SPAG16: variants seen among roughly 807,000 people sequenced by gnomAD.
SPAG16 encodes the protein sperm-associated antigen 16 protein.
Under a neutral mutation model 80.4 loss-of-function variants are expected in SPAG16, and 86 were observed. The observed-to-expected ratio is 1.07, with a 90% CI of 0.90 to 1.28. The LOEUF (loss-of-function observed/expected upper bound fraction) is 1.28. SPAG16 is among the 50% of genes most tolerant of loss of function. The probability of loss-of-function intolerance (pLI) is 0.00; values close to 1 mark genes in which losing one functional copy is unlikely to be tolerated. For synonymous variants in SPAG16, 294 were observed against 265.9 expected (o/e 1.11, Z -1.03); for missense variants, 870 against 765.3 (o/e 1.14, Z -1.61).
At chr2:214,229,155 G>GAA (rs199770222) in intron 15 of SPAG16, among the ~76,000 whole-genome samples, 2,402 of 142,318 alleles carry the variant, frequency 0.017, 36 homozygotes, top group African/African-American at 0.038. Flanking sequence ...CGAGAAGCAG[G>GAA]AAAAAAAAAA....
intron 10 of SPAG16, among the ~76,000 whole-genome samples, chr2:213,777,590 G>A (rs1345086234): frequency 6.6e-6 from 1 of 152,094 alleles, no homozygotes; most frequent in African/African-American, 2.4e-5. Flanking sequence ...AGTATTTTTA[G>A]TAGAGACGGG....
chr2:213,423,918 T>C (rs1276351481), intron 9 of SPAG16, among the ~76,000 whole-genome samples: 1 of 152,216 alleles, frequency 6.6e-6, no homozygotes, highest in Non-Finnish European at 1.5e-5. Flanking sequence ...AAACTAGTAT[T>C]ATCAGAGATA....
At position 214,177,978 on chromosome 2, in the gene SPAG16, TATATATA is replaced by T. The variant is rs2057171045; in HGVS notation, c.1720+28713_1720+28719del. On this transcript the variant is annotated intron_variant, in intron 15 of 15. Coordinates refer to ENST00000331683, the MANE Select transcript of SPAG16 (RefSeq NM_024532.5). The stretch of plus-strand genomic sequence containing the variant: ...TAACTTCACAAAGTGTATGTATATA[TATATATA>T]TATATATATATATATATATATATAT... Among the ~76,000 whole-genome samples the T allele has an allele frequency of 1.5e-4, 2 of 12,994 alleles. 1 individual carries two copies. The highest frequency in any genetic ancestry group is 1.0e-3 in the Non-Finnish European group (2 of 2,000). 8.5% of individuals were successfully genotyped at this position (12,994 alleles called of 152,430 possible).
At chr2:213,674,029 G>A (rs868750011) in intron 10 of SPAG16, among the ~76,000 whole-genome samples, 20 of 151,730 alleles carry the variant, frequency 1.3e-4, no homozygotes, top group Admixed American at 8.6e-4. Context: ...TGTTTATAAG[G>A]CTTCAAAAGA....
At chr2:213,527,772 A>T (rs1575845274) in intron 10 of SPAG16, among the ~76,000 whole-genome samples, 1 of 152,212 alleles carries the variant, frequency 6.6e-6, no homozygotes, top group Non-Finnish European at 1.5e-5. Flanking sequence ...AGATCAGGAG[A>T]TACATGAAAT....
At chr2:213,834,861 T>G (rs2073989264) in intron 10 of SPAG16, among the ~76,000 whole-genome samples, 2 of 152,288 alleles carry the variant, frequency 1.3e-5, no homozygotes, top group South Asian at 4.1e-4. Context: ...AATAGTACCC[T>G]TTCAGAGGAA....
intron 13 of SPAG16, among the ~76,000 whole-genome samples, chr2:214,098,962 G>A (rs940942486): frequency 2.6e-5 from 4 of 152,006 alleles, no homozygotes; most frequent in Non-Finnish European, 5.9e-5. Context: ...AATAGCATTA[G>A]AAACATGTTC....
chr2:213,410,581 A>G (rs1160732282), intron 9 of SPAG16, among the ~76,000 whole-genome samples: 1 of 152,244 alleles, frequency 6.6e-6, no homozygotes, highest in African/African-American at 2.4e-5. Flanking sequence ...TGGTTTTTGT[A>G]ATTTCCTAAA....
In SPAG16 at chr2:213,878,149, G is replaced by A. The variant is rs1184361271; in HGVS notation, c.1214+15521G>A. Reference sequence around the variant, plus strand: ...TTGAATTCTCTCTACCTTCTTACTAGTTTATATTATTGATATAATAATTTC... The same window carrying A: ...TTGAATTCTCTCTACCTTCTTACTAATTTATATTATTGATATAATAATTTC... On this transcript the variant is annotated intron_variant, in intron 11 of 15. Coordinates refer to ENST00000331683, the MANE Select transcript of SPAG16 (RefSeq NM_024532.5). 2.0e-5 allele frequency among the ~76,000 whole-genome samples: 3 copies of A among 151,988 alleles called. No individual in the cohort carries two copies. In the East Asian group the frequency reaches 5.8e-4, roughly 29 times the overall value.
chr2:213,507,130 C>G (rs534860218), intron 10 of SPAG16, among the ~76,000 whole-genome samples: 1 of 151,876 alleles, frequency 6.6e-6, no homozygotes, highest in South Asian at 2.1e-4. Flanking sequence ...CAAAACTTAC[C>G]CTAAAGGTGG....
intron 10 of SPAG16, among the ~76,000 whole-genome samples, chr2:213,725,850 A>G (rs561012476): frequency 1.3e-5 from 2 of 152,326 alleles, no homozygotes; most frequent in South Asian, 4.1e-4. Flanking sequence ...TTCAAGACTG[A>G]AGGGGAAGAC....
At chr2:214,146,365 G>A (rs1044535272) in intron 14 of SPAG16, among the ~76,000 whole-genome samples, 2 of 152,140 alleles carry the variant, frequency 1.3e-5, no homozygotes, top group Non-Finnish European at 2.9e-5. Context: ...AGGATACAGG[G>A]CATTAGAATA....
chr2:213,398,363 T>C (rs943603894), intron 9 of SPAG16, among the ~76,000 whole-genome samples: 2 of 152,172 alleles, frequency 1.3e-5, no homozygotes, highest in African/African-American at 4.8e-5. Flanking sequence ...GAGTTACAGG[T>C]AAGGTCATTA....
intron 10 of SPAG16, among the ~76,000 whole-genome samples, chr2:213,841,331 C>T (rs1254235283): frequency 6.6e-6 from 1 of 152,104 alleles, no homozygotes; most frequent in Non-Finnish European, 1.5e-5. Flanking sequence ...GTAGTTTGTA[C>T]ATGGTAGTGC....
chr2:214,014,070 C>A lies in SPAG16; in HGVS notation c.1520C>A (p.Ala507Glu), dbSNP rs915083057. The A allele has an allele frequency of 6.2e-7, 1 of 1,612,196 alleles. No individual in the cohort carries two copies. Among genetic ancestry groups the A allele is most frequent in the Non-Finnish European group, 8.5e-7 (1 of 1,179,320 alleles). ...GACAAGACCCTGTCTATATGGGATG[C>A]AAGAACAGTAAGCAAATCATTCACT... ...SADKTLSIWDARTGICEQSLY... is the reference protein window; with the variant it reads ...SADKTLSIWDERTGICEQSLY... Residue 507 changes from alanine (A) to glutamate (E), a missense_variant, in exon 13 of 16, where the codon GCA (alanine) becomes GAA (glutamate). Transcript: ENST00000331683.
At chr2:213,671,648 G>A (rs2063816807) in intron 10 of SPAG16, among the ~76,000 whole-genome samples, 1 of 152,110 alleles carries the variant, frequency 6.6e-6, no homozygotes, top group African/African-American at 2.4e-5. Flanking sequence ...CCCTATGTAT[G>A]TTCCCAAAAG....
At chr2:213,738,463 A>T (rs2067394014) in intron 10 of SPAG16, among the ~76,000 whole-genome samples, 1 of 152,244 alleles carries the variant, frequency 6.6e-6, no homozygotes, top group Non-Finnish European at 1.5e-5. Context: ...TAAGGATATG[A>T]AACTAATTTA....
chr2:213,820,519 A>G lies in SPAG16; in HGVS notation c.1071-41966A>G, dbSNP rs1025827329. ...CTTAAAAAGTGCTTTTTCAGTTTTT[A>G]TAAGCACAAAAAAGGTAGAACCTTG... On this transcript the variant is annotated intron_variant, in intron 10 of 15. Transcript: ENST00000331683. 2.6e-4 allele frequency among the ~76,000 whole-genome samples: 39 copies of G among 152,276 alleles called. 1 individual carries two copies. The highest frequency in any genetic ancestry group is 2.3e-3 in the East Asian group (12 of 5,188).
chr2:213,870,724 T>C (rs1353322644), intron 11 of SPAG16, among the ~76,000 whole-genome samples: 2 of 152,180 alleles, frequency 1.3e-5, no homozygotes, highest in Admixed American at 6.6e-5. Flanking sequence ...ATGGTTGTTG[T>C]TGTTTGGCAG....
Sources: gnomAD v4.1 joint callset for allele counts (sites outside exome capture counted in the v4.1 genomes callset) on GRCh38, gnomAD v4.1.1 for gene constraint, MANE v1.5 for transcripts, NCBI Gene and HGNC (gene_info 2026-07-23, HGNC 2026-07-21) for gene names.